Variants in RANBP2 observed in about 807,000 individuals in gnomAD.
RANBP2 encodes E3 SUMO-protein ligase RanBP2.
A neutral mutation model predicts 303.6 loss-of-function variants in RANBP2; 57 were observed. That is an observed-to-expected ratio of 0.19 (90% confidence interval 0.15 to 0.23). RANBP2 has a LOEUF of 0.23. Among genes scored for constraint, RANBP2 ranks in the 10% least tolerant of loss-of-function variants. The pLI is 1.00. For missense variants in RANBP2, 3,138 were observed against 3,780.8 expected (o/e 0.83, Z 4.46); for synonymous variants, 1,167 against 1,301.5 (o/e 0.90, Z 2.23).
chr2:109,092,334 C>T, the RANBP2 span, among the ~76,000 whole-genome samples: 1 of 152,084 alleles, frequency 6.6e-6, no homozygotes, highest in Non-Finnish European at 1.5e-5. Flanking sequence ...CTGAGGTCAT[C>T]CCTCCCCACC....
the RANBP2 span, among the ~76,000 whole-genome samples, chr2:109,027,356 C>T: frequency 2.6e-5 from 4 of 152,092 alleles, no homozygotes; most frequent in Non-Finnish European, 5.9e-5. Flanking sequence ...TGGGCCCAGC[C>T]AGACCCCAGA....
the RANBP2 span, among the ~76,000 whole-genome samples, chr2:109,655,367 G>A: frequency 1.5e-4 from 23 of 152,288 alleles, no homozygotes; most frequent in Non-Finnish European, 2.6e-4. Context: ...AGAAAAACTG[G>A]TCCAATCAAG....
At chr2:109,557,511 A>C in the RANBP2 span, among the ~76,000 whole-genome samples, 1 of 152,252 alleles carries the variant, frequency 6.6e-6, no homozygotes, top group Admixed American at 6.5e-5. Context: ...ACTTGTTCCA[A>C]AGTCCATATT....
At chr2:108,725,261 A>G (rs1465120382) in intron 1 of RANBP2, among the ~76,000 whole-genome samples, 2 of 152,226 alleles carry the variant, frequency 1.3e-5, no homozygotes, top group Non-Finnish European at 2.9e-5. Flanking sequence ...TGTATCTTTA[A>G]ACAAGGCATT....
At chr2:108,745,491 T>C (rs1174731891) in intron 7 of RANBP2, among the ~76,000 whole-genome samples, 1 of 150,420 alleles carries the variant, frequency 6.6e-6, no homozygotes, top group Admixed American at 6.6e-5. Context: ...TCTTCAAGCC[T>C]TCTACCTGTT....
the RANBP2 span, among the ~76,000 whole-genome samples, chr2:109,060,159 G>A: frequency 1.4e-4 from 21 of 151,740 alleles, no homozygotes; most frequent in South Asian, 2.1e-4. Context: ...CCAAGATCGC[G>A]CCACTGCACT....
chr2:109,094,907 C>A, the RANBP2 span, among the ~76,000 whole-genome samples: 1 of 152,058 alleles, frequency 6.6e-6, no homozygotes, highest in Non-Finnish European at 1.5e-5. Flanking sequence ...AATATTTTGT[C>A]AGAAAAATAG....
the RANBP2 span, chr2:108,876,462 C>A: frequency 2.9e-6 from 1 of 344,530 alleles, no homozygotes; most frequent in Non-Finnish European, 5.2e-6. Flanking sequence ...TACTAATATA[C>A]AAGATGGCGT....
At chr2:109,295,945 C>T in the RANBP2 span, among the ~76,000 whole-genome samples, 2 of 152,170 alleles carry the variant, frequency 1.3e-5, no homozygotes, top group Non-Finnish European at 2.9e-5. Flanking sequence ...ACACTGCTCC[C>T]TCTGTGACTG....
the RANBP2 span, among the ~76,000 whole-genome samples, chr2:109,506,154 G>A: frequency 0.19 from 29,359 of 152,162 alleles, 3,742 homozygotes; most frequent in Non-Finnish European, 0.28. Context: ...CTGTGTAGCC[G>A]AGATGTTCCT....
At chr2:109,673,058 A>G in the RANBP2 span, among the ~76,000 whole-genome samples, 1 of 152,204 alleles carries the variant, frequency 6.6e-6, no homozygotes, top group Non-Finnish European at 1.5e-5. Context: ...AAATTGTTCA[A>G]TTACGTAGCT....
chr2:108,916,615 A>G, the RANBP2 span, among the ~76,000 whole-genome samples: 2 of 152,214 alleles, frequency 1.3e-5, no homozygotes, highest in Non-Finnish European at 2.9e-5. Flanking sequence ...CAACTGTGCC[A>G]GGCTGCAGGT....
chr2:109,237,689 G>A, the RANBP2 span, among the ~76,000 whole-genome samples: 2 of 152,176 alleles, frequency 1.3e-5, no homozygotes, highest in African/African-American at 2.4e-5. Context: ...GTGTGGCCCA[G>A]GGAAGACAAA....
the RANBP2 span, among the ~76,000 whole-genome samples, chr2:109,508,745 T>G: frequency 6.6e-6 from 1 of 152,006 alleles, no homozygotes; most frequent in Admixed American, 6.6e-5. Flanking sequence ...ATCAGATCAG[T>G]GAGCAGTCAC....
chr2:109,534,341 C>A, the RANBP2 span, among the ~76,000 whole-genome samples: 1 of 152,212 alleles, frequency 6.6e-6, no homozygotes, highest in African/African-American at 2.4e-5. Context: ...CATCCACCTG[C>A]ATCCTAGTAG....
At chr2:109,157,506 A>G in the RANBP2 span, among the ~76,000 whole-genome samples, 1 of 152,208 alleles carries the variant, frequency 6.6e-6, no homozygotes, top group Non-Finnish European at 1.5e-5. Flanking sequence ...TGGATCTGAA[A>G]CTGGCCTTAG....
the RANBP2 span, among the ~76,000 whole-genome samples, chr2:109,435,211 C>T: frequency 6.6e-6 from 1 of 152,196 alleles, no homozygotes; most frequent in African/African-American, 2.4e-5. Context: ...ATGTTGAAGG[C>T]CATGGGTCCC....
chr2:108,739,246 A>T (rs1485607819), intron 6 of RANBP2, among the ~76,000 whole-genome samples: 2 of 151,968 alleles, frequency 1.3e-5, no homozygotes, highest in Non-Finnish European at 2.9e-5. Flanking sequence ...TACTAAAAAT[A>T]CAAAAAATTA....
the RANBP2 span, among the ~76,000 whole-genome samples, chr2:109,064,468 AAAAC>A: frequency 5.4e-5 from 8 of 149,070 alleles, 1 homozygote; most frequent in Non-Finnish European, 1.0e-4. Context: ...AAAAAAAAAA[AAAAC>A]AAAAACAAAC....
Sources: gnomAD v4.1 joint callset for allele counts (sites outside exome capture counted in the v4.1 genomes callset) on GRCh38, gnomAD v4.1.1 for gene constraint, MANE v1.5 for transcripts, NCBI Gene and HGNC (gene_info 2026-07-23, HGNC 2026-07-21) for gene names.